SND1: variants seen among roughly 807,000 people sequenced by gnomAD.
The protein encoded by SND1 is staphylococcal nuclease domain-containing protein 1.
A neutral mutation model predicts 121.7 loss-of-function variants in SND1; 38 were observed. The ratio of observed to expected loss-of-function variants is 0.31; its 90% CI spans 0.24 to 0.41. SND1 has a LOEUF of 0.41. SND1 is among the 10% of genes least tolerant of loss of function. The probability of loss-of-function intolerance (pLI) is 1.00; values close to 1 mark genes in which losing one functional copy is unlikely to be tolerated. For missense variants in SND1, 868 were observed against 1,184.6 expected, an observed-to-expected ratio of 0.73 and a Z score of 3.92; for synonymous variants, 401 against 447.4, an observed-to-expected ratio of 0.90 and a Z score of 1.31.
intron 10 of SND1, among the ~76,000 whole-genome samples, chr7:127,722,946 G>A (rs1309741604): frequency 2.0e-5 from 3 of 152,162 alleles, no homozygotes; most frequent in Admixed American, 2.0e-4. Flanking sequence ...ATTGCACAGA[G>A]TAAATACACA....
chr7:127,963,127 C>T (rs919946373), intron 15 of SND1, among the ~76,000 whole-genome samples: 1 of 152,140 alleles, frequency 6.6e-6, no homozygotes, highest in South Asian at 2.1e-4. Flanking sequence ...GAGATTGGGG[C>T]AGCTCTATTC....
rs374378118 is a variant in SND1, at chr7:127,774,233, T to C, written c.1153-33251T>C. Among the ~76,000 whole-genome samples, 5 of 152,342 alleles carry C rather than the reference T, an allele frequency of 3.3e-5. No homozygotes were observed. In the East Asian group the frequency reaches 7.7e-4, roughly 23 times the overall value. On this transcript the variant is annotated intron_variant, in intron 10 of 23. Transcript: ENST00000354725. ...TGGAGATTCAAGACAGTGATATAAATGCTCTTGACCCTGTGTAAACCTAGG... is the reference window on the plus strand; with the variant it reads ...TGGAGATTCAAGACAGTGATATAAACGCTCTTGACCCTGTGTAAACCTAGG...
rs768922217 is a variant in SND1 at position 127,698,878 on chromosome 7, C to G, written c.353C>G (p.Thr118Ser). The G allele has an allele frequency of 6.8e-6, 11 of 1,613,322 alleles. No homozygotes were observed. The highest frequency in any genetic ancestry group is 4.5e-5 in the East Asian group (2 of 44,876). ...EYGMIYLGKD[T>S]NGENIAESLV... ...AATCCCCCCTTTTCCTCCTCAGATA[C>G]CAATGGGGAAAACATTGCAGAATCA... Residue 118 changes from threonine (T) to serine (S), a missense_variant, in exon 4 of 24, where the codon ACC (threonine) becomes AGC (serine). Transcript: ENST00000354725.
At chr7:127,898,792 A>C (rs1326788240) in intron 13 of SND1, among the ~76,000 whole-genome samples, 3 of 152,140 alleles carry the variant, frequency 2.0e-5, no homozygotes, top group South Asian at 2.1e-4. Context: ...ACTGCCACTT[A>C]GATTCTTGCC....
intron 15 of SND1, among the ~76,000 whole-genome samples, chr7:127,947,680 C>T (rs1037505400): frequency 1.3e-5 from 2 of 152,180 alleles, no homozygotes; most frequent in African/African-American, 4.8e-5. Flanking sequence ...AAGGAAGACT[C>T]TTATTTTTTT....
At chr7:127,790,862 T>C (rs973415106) in intron 10 of SND1, among the ~76,000 whole-genome samples, 1 of 152,156 alleles carries the variant, frequency 6.6e-6, no homozygotes, top group Non-Finnish European at 1.5e-5. Flanking sequence ...GCTGTGGCAG[T>C]CACATCTAGG....
chr7:127,672,686 T>A (rs1054380913), intron 1 of SND1, among the ~76,000 whole-genome samples: 4 of 151,994 alleles, frequency 2.6e-5, no homozygotes, highest in Non-Finnish European at 5.9e-5. Context: ...TCCCTTCAGA[T>A]TTTGCCAGTT....
intron 3 of SND1, among the ~76,000 whole-genome samples, chr7:127,695,740 C>CA (rs1194544902): frequency 2.0e-5 from 3 of 152,264 alleles, no homozygotes. Flanking sequence ...GTGGGAGAAT[C>CA]ACCTGAGTCT....
intron 10 of SND1, among the ~76,000 whole-genome samples, chr7:127,788,206 A>G (rs779824229): frequency 7.9e-5 from 12 of 152,222 alleles, no homozygotes; most frequent in Non-Finnish European, 1.2e-4. Flanking sequence ...AGGAAATGAA[A>G]GTCCAGAGAG....
At chr7:128,009,445 A>G (rs1040597352) in intron 16 of SND1, among the ~76,000 whole-genome samples, 6 of 152,222 alleles carry the variant, frequency 3.9e-5, no homozygotes, top group South Asian at 2.1e-4. Context: ...GAGATGGAAA[A>G]AGACAACCAG....
chr7:127,980,125 T>TATTCA (rs1261683144), intron 15 of SND1, among the ~76,000 whole-genome samples: 21 of 15,708 alleles, frequency 1.3e-3, no homozygotes, highest in Admixed American at 3.1e-3. Flanking sequence ...TTTTTTTTTT[T>TATTCA]TTTTTGAGAC....
At chr7:128,027,079 TCAAC>T (rs1803496359) in intron 16 of SND1, 1 of 152,582 alleles carries the variant, frequency 6.6e-6, no homozygotes, top group South Asian at 2.1e-4. Context: ...AATTAAAAAT[TCAAC>T]AATATTTATT....
At chr7:127,858,663 C>T (rs1483264408) in intron 12 of SND1, among the ~76,000 whole-genome samples, 1 of 152,200 alleles carries the variant, frequency 6.6e-6, no homozygotes, top group African/African-American at 2.4e-5. Context: ...GTATGTAGGC[C>T]ATAAACCATA....
At chr7:127,792,542 TA>T (rs1797929690) in intron 10 of SND1, among the ~76,000 whole-genome samples, 1 of 152,082 alleles carries the variant, frequency 6.6e-6, no homozygotes, top group African/African-American at 2.4e-5. Flanking sequence ...ATGGAGGTAA[TA>T]ACTACATGAT....
intron 16 of SND1, among the ~76,000 whole-genome samples, chr7:128,041,303 G>A (rs1792849769): frequency 6.6e-6 from 1 of 152,138 alleles, no homozygotes; most frequent in African/African-American, 2.4e-5. Flanking sequence ...TAAAAAATAA[G>A]AGGTGGAGGG....
At chr7:127,713,586 T>G (rs191159009) in intron 9 of SND1, among the ~76,000 whole-genome samples, 37 of 152,318 alleles carry the variant, frequency 2.4e-4, no homozygotes, top group Non-Finnish European at 4.1e-4. Context: ...GAATTAATTG[T>G]ACAGGGCCCC....
chr7:127,848,625 C>T (rs1799111258), intron 12 of SND1, among the ~76,000 whole-genome samples: 2 of 152,182 alleles, frequency 1.3e-5, no homozygotes, highest in Non-Finnish European at 2.9e-5. Flanking sequence ...TACATTTAGG[C>T]CTTCACAGCA....
chr7:128,027,618 C>T (rs1424008533), intron 16 of SND1: 1 of 152,212 alleles, frequency 6.6e-6, no homozygotes, highest in Non-Finnish European at 1.5e-5. Context: ...AGCTTCCACT[C>T]CCAAGCTCCC....
chr7:127,749,666 A>G (rs765713563), intron 10 of SND1, among the ~76,000 whole-genome samples: 2 of 152,236 alleles, frequency 1.3e-5, no homozygotes, highest in East Asian at 3.8e-4. Context: ...AGATTTATCA[A>G]TAGAGATTTA....
Sources: gnomAD v4.1 joint callset for allele counts (sites outside exome capture counted in the v4.1 genomes callset) on GRCh38, gnomAD v4.1.1 for gene constraint, MANE v1.5 for transcripts, NCBI Gene and HGNC (gene_info 2026-07-23, HGNC 2026-07-21) for gene names.